The following EDA variants were observed in gnomAD, a reference collection of about 807,000 sequenced individuals.
The protein encoded by EDA is ectodysplasin A.
A neutral mutation model predicts 23.6 loss-of-function variants in EDA; 2 were observed. The observed-to-expected ratio is 0.08, with a 90% CI of 0.03 to 0.27. EDA has a LOEUF of 0.27. Among genes scored for constraint, EDA ranks in the 10% least tolerant of loss-of-function variants. The pLI is 1.00. For missense variants in EDA, 229 were observed against 324.2 expected, an observed-to-expected ratio of 0.71 and a Z score of 2.26; for synonymous variants, 131 against 132.0, an observed-to-expected ratio of 0.99 and a Z score of 0.05.
At chrX:69,963,223 A>G (rs935961205) in intron 2 of EDA, among the ~76,000 whole-genome samples, 1 of 112,231 alleles carries the variant, frequency 8.9e-6, no homozygotes, top group African/African-American at 3.2e-5. Flanking sequence ...TTAAATTGAT[A>G]CAGATGAACA....
At chrX:69,832,604 C>A (rs1197092758) in intron 1 of EDA, among the ~76,000 whole-genome samples, 2 of 111,601 alleles carry the variant, frequency 1.8e-5, no homozygotes, top group Non-Finnish European at 3.8e-5. Flanking sequence ...ATGGGGATGG[C>A]ATTGAATCTA....
At chrX:69,875,896 C>T (rs942919296) in intron 1 of EDA, among the ~76,000 whole-genome samples, 1 of 112,027 alleles carries the variant, frequency 8.9e-6, no homozygotes, top group Non-Finnish European at 1.9e-5. Context: ...AAATGCTCAA[C>T]ATCACAAATT....
At chrX:69,637,862 G>GACAA (rs1278295569) in intron 1 of EDA, among the ~76,000 whole-genome samples, 3 of 110,585 alleles carry the variant, frequency 2.7e-5, no homozygotes, top group South Asian at 3.9e-4. Flanking sequence ...GTACTAAAGA[G>GACAA]ACAATGAGCA....
At chrX:69,951,559 G>A (rs978766510) in intron 1 of EDA, among the ~76,000 whole-genome samples, 8 of 111,639 alleles carry the variant, frequency 7.2e-5, no homozygotes, top group Non-Finnish European at 1.5e-4. Context: ...CTTCCCTAAA[G>A]AGGCTTATGA....
intron 1 of EDA, among the ~76,000 whole-genome samples, chrX:69,829,613 G>C (rs1332183830): frequency 8.9e-6 from 1 of 111,953 alleles, no homozygotes; most frequent in African/African-American, 3.2e-5. Flanking sequence ...GTGGTTTGCT[G>C]TAACTTAATT....
At chrX:69,715,204 C>T (rs377556355) in intron 1 of EDA, among the ~76,000 whole-genome samples, 49 of 108,595 alleles carry the variant, frequency 4.5e-4, no homozygotes, top group African/African-American at 1.4e-3. Context: ...AAGCCTAGTA[C>T]GCAAGAGTTA....
chrX:69,729,868 C>G (rs2012954313), intron 1 of EDA, among the ~76,000 whole-genome samples: 1 of 111,240 alleles, frequency 9.0e-6, no homozygotes, highest in African/African-American at 3.3e-5. Flanking sequence ...TCTTTTGGGT[C>G]TCTCTTCAAA....
At chrX:69,654,291 G>A (rs771174934) in intron 1 of EDA, among the ~76,000 whole-genome samples, 3,072 of 111,291 alleles carry the variant, frequency 0.028, 47 homozygotes, top group Non-Finnish European at 0.046. Context: ...AAAAAGTCAG[G>A]AAACAACAGG....
At chrX:69,633,868 G>A (rs915579905) in intron 1 of EDA, among the ~76,000 whole-genome samples, 2 of 111,850 alleles carry the variant, frequency 1.8e-5, no homozygotes, top group Non-Finnish European at 3.8e-5. Flanking sequence ...ATTCATTTGG[G>A]GTATATACCT....
At chrX:70,002,177 G>T (rs2019748931) in intron 2 of EDA, among the ~76,000 whole-genome samples, 1 of 111,741 alleles carries the variant, frequency 8.9e-6, no homozygotes, top group Non-Finnish European at 1.9e-5. Context: ...TCTCCATGAG[G>T]GTTGAAGTCC....
intron 1 of EDA, chrX:69,670,403 G>A (rs772107696): frequency 6.8e-6 from 2 of 293,534 alleles, no homozygotes; most frequent in Admixed American, 6.3e-5. Flanking sequence ...GTAACTGTTT[G>A]CGAACTTTTG....
chrX:69,722,543 A>T (rs1443964758), intron 1 of EDA, among the ~76,000 whole-genome samples: 1 of 112,004 alleles, frequency 8.9e-6, no homozygotes, highest in Non-Finnish European at 1.9e-5. Flanking sequence ...ACCTAATGTT[A>T]GTTTTCTGGT....
intron 1 of EDA, among the ~76,000 whole-genome samples, chrX:69,733,862 A>C (rs957799817): frequency 1.8e-5 from 2 of 109,168 alleles, no homozygotes; most frequent in African/African-American, 6.6e-5. Context: ...CTCTTTGAAG[A>C]TTTTTACATA....
At chrX:69,698,629 G>A (rs1214662317) in intron 1 of EDA, among the ~76,000 whole-genome samples, 1 of 111,518 alleles carries the variant, frequency 9.0e-6, no homozygotes, top group African/African-American at 3.3e-5. Flanking sequence ...TGCTTTTGGT[G>A]TTGCGCAGAG....
At chrX:69,756,960 C>T (rs977835556) in intron 1 of EDA, 1 of 111,500 alleles carries the variant, frequency 9.0e-6, no homozygotes, top group Admixed American at 9.6e-5. Context: ...TGGGATCACT[C>T]GCAGGTTTAC....
chrX:69,716,816 C>T (rs907607044), intron 1 of EDA, among the ~76,000 whole-genome samples: 1 of 111,029 alleles, frequency 9.0e-6, no homozygotes, highest in African/African-American at 3.3e-5. Flanking sequence ...GTATTTTATT[C>T]GTTTTGTAAC....
chrX:69,954,879 T>A (rs1173739355), intron 1 of EDA, among the ~76,000 whole-genome samples: 1 of 111,998 alleles, frequency 8.9e-6, no homozygotes, highest in African/African-American at 3.2e-5. Context: ...TGTCCATGTG[T>A]TCCCATCATT....
At chrX:69,907,245 A>T (rs185842857) in intron 1 of EDA, among the ~76,000 whole-genome samples, 15 of 112,065 alleles carry the variant, frequency 1.3e-4, no homozygotes, top group Non-Finnish European at 2.4e-4. Flanking sequence ...GAATACTCCT[A>T]ATTTCTTGGC....
chrX:70,031,748 G>T (rs2020202853), intron 6 of EDA, among the ~76,000 whole-genome samples: 1 of 112,592 alleles, frequency 8.9e-6, no homozygotes, highest in Non-Finnish European at 1.9e-5. Context: ...AATTGGTCCT[G>T]CTGGGGACCC....
Sources: allele counts gnomAD v4.1 joint callset (sites outside exome capture counted in the v4.1 genomes callset), GRCh38; gene constraint gnomAD v4.1.1; transcripts MANE v1.5; gene names NCBI Gene and HGNC (gene_info 2026-07-23, HGNC 2026-07-21).